Variants in JAKMIP3 observed in about 807,000 individuals in gnomAD.
JAKMIP3 encodes the protein janus kinase and microtubule-interacting protein 3.
Under a neutral mutation model 118.5 loss-of-function variants are expected in JAKMIP3, and 58 were observed. The ratio of observed to expected loss-of-function variants is 0.49; its 90% confidence interval spans 0.40 to 0.61. The LOEUF (loss-of-function observed/expected upper bound fraction) is 0.61. Among genes scored for constraint, JAKMIP3 ranks in the 20% least tolerant of loss-of-function variants. The probability of loss-of-function intolerance (pLI) is 0.00; values close to 1 mark genes in which losing one functional copy is unlikely to be tolerated. For missense variants in JAKMIP3, 950 were observed against 1,109.0 expected, an observed-to-expected ratio of 0.86 and a Z score of 2.04; for synonymous variants, 486 against 451.2, an observed-to-expected ratio of 1.08 and a Z score of -0.98.
At chr10:132,072,942 T>G (rs113845453) in intron 1 of JAKMIP3, among the ~76,000 whole-genome samples, 1 of 152,156 alleles carries the variant, frequency 6.6e-6, no homozygotes, top group African/African-American at 2.4e-5. Flanking sequence ...CAGTATCTGT[T>G]CCACTCTGTC....
At chr10:132,114,992 T>G (rs991796650) in intron 2 of JAKMIP3, among the ~76,000 whole-genome samples, 1 of 152,238 alleles carries the variant, frequency 6.6e-6, no homozygotes, top group Non-Finnish European at 1.5e-5. Flanking sequence ...ATGTAATGAA[T>G]ACATATTTTT....
intron 20 of JAKMIP3, 94 bp from the exon 21 acceptor site, chr10:132,164,576 G>C: frequency 1.2e-6 from 1 of 845,150 alleles, no homozygotes; most frequent in Non-Finnish European, 1.9e-6. Context: ...GCTCTGCGAC[G>C]ATCTGTTACC....
At chr10:132,103,042 T>G in intron 1 of JAKMIP3, among the ~76,000 whole-genome samples, 2 of 137,378 alleles carry the variant, frequency 1.5e-5, no homozygotes, top group African/African-American at 5.4e-5. Context: ...GAGCAGGAGT[T>G]GTGGGGGTGG....
upstream of JAKMIP3, among the ~76,000 whole-genome samples, chr10:132,061,196 A>G (rs116842412): frequency 1.0e-3 from 128 of 122,744 alleles, no homozygotes; most frequent in East Asian, 0.019. Flanking sequence ...GTGACGGCGC[A>G]CACACACACC....
chr10:132,165,951 G>A (rs2058855630), intron 21 of JAKMIP3, among the ~76,000 whole-genome samples: 1 of 152,242 alleles, frequency 6.6e-6, no homozygotes, highest in African/African-American at 2.4e-5. Context: ...GAGCCTCAGA[G>A]GGCAAAGCCT....
Position 132,137,097 on chromosome 10 carries a change from T to G in JAKMIP3, c.1195T>G (p.Phe399Val), listed in dbSNP as rs371025401. 3.1e-6 allele frequency: 5 copies of G among 1,613,928 alleles called. No homozygotes were observed. Among genetic ancestry groups the G allele is most frequent in the Non-Finnish European group, 4.2e-6 (5 of 1,179,876 alleles). ...AAGTCAGGATGAGAGAGAAGTCGAT[T>G]TCTTGAAGCTTCAGATTGTGGAGCA... ...DQSQDEREVD[F>V]LKLQIVEQQN... The change falls in exon 7 of 24, where the codon TTC becomes GTC. Residue 399 changes from phenylalanine (F) to valine (V), a missense_variant. Physicochemically the swap from Phe to Val is conservative, Grantham distance 50 (BLOSUM62 -1). Transcript: ENST00000684848.
At chr10:132,105,064 A>C (rs960094802) in intron 2 of JAKMIP3, 121 bp downstream of exon 2, 2 of 1,196,240 alleles carry the variant, frequency 1.7e-6, no homozygotes, top group African/African-American at 3.1e-5. Flanking sequence ...CCAGTCCTAA[A>C]GGCTGCTTGG....
At chr10:132,181,027 G>A (rs1037963790) in intron 23 of JAKMIP3, among the ~76,000 whole-genome samples, 2 of 152,114 alleles carry the variant, frequency 1.3e-5, no homozygotes, top group African/African-American at 4.8e-5. Flanking sequence ...TGTATGTGCT[G>A]TTTGCACATG....
At chr10:132,103,110 C>G (rs2045256663) in intron 1 of JAKMIP3, among the ~76,000 whole-genome samples, 1 of 152,030 alleles carries the variant, frequency 6.6e-6, no homozygotes, top group Non-Finnish European at 1.5e-5. Flanking sequence ...CCCTTCTATC[C>G]TGGCTGCCTT....
At chr10:132,172,069 C>T (rs1002955422) in intron 23 of JAKMIP3, among the ~76,000 whole-genome samples, 6 of 152,184 alleles carry the variant, frequency 3.9e-5, no homozygotes, top group Non-Finnish European at 8.8e-5. Context: ...CAGGACCCCA[C>T]GTTGCATTCA....
intron 13 of JAKMIP3, among the ~76,000 whole-genome samples, chr10:132,147,586 G>A (rs961000456): frequency 4.6e-5 from 7 of 152,008 alleles, no homozygotes; most frequent in African/African-American, 1.7e-4. Context: ...TCAGAGCCCC[G>A]CTAAGGCCCC....
At chr10:132,164,572 C>A in intron 20 of JAKMIP3, 98 bp from the exon 21 acceptor site, 2 of 813,832 alleles carry the variant, frequency 2.5e-6, no homozygotes, top group Non-Finnish European at 4.1e-6. Flanking sequence ...AGCTGCTCTG[C>A]GACGATCTGT....
intron 19 of JAKMIP3, 124 bp downstream of exon 19, chr10:132,154,114 C>A: frequency 1.4e-6 from 1 of 736,564 alleles, no homozygotes; most frequent in East Asian, 2.6e-5. Flanking sequence ...CCTAATGGCC[C>A]CTAATGACAC....
At chr10:132,166,584 G>A (rs1046389809) in intron 21 of JAKMIP3, among the ~76,000 whole-genome samples, 3 of 152,262 alleles carry the variant, frequency 2.0e-5, no homozygotes, top group Admixed American at 1.3e-4. Flanking sequence ...TCAATACAAC[G>A]TTCACCATTA....
At chr10:132,061,226 TACACCTGCCGTGACG>T (rs1564855357), upstream of JAKMIP3, among the ~76,000 whole-genome samples, 18 of 18,460 alleles carry the variant, frequency 9.8e-4, no homozygotes, top group South Asian at 0.035. Context: ...GGCGCACACA[TACACCTGCCGTGACG>T]GCGCACACAC....
intron 1 of JAKMIP3, among the ~76,000 whole-genome samples, chr10:132,055,898 G>T (rs1169795943): frequency 6.6e-6 from 1 of 152,162 alleles, no homozygotes; most frequent in Non-Finnish European, 1.5e-5. Flanking sequence ...GTCTTGTTCA[G>T]ATATTCTGAA....
intron 3 of JAKMIP3, among the ~76,000 whole-genome samples, chr10:132,123,871 G>GCCT (rs2049011117): frequency 6.6e-6 from 1 of 152,158 alleles, no homozygotes; most frequent in Admixed American, 6.5e-5. Context: ...AATGATGAGG[G>GCCT]GGTCCCTGAG....
At chr10:132,140,333 G>A in intron 9 of JAKMIP3, 118 bp from the exon 10 acceptor site, 3 of 1,421,850 alleles carry the variant, frequency 2.1e-6, no homozygotes, top group Non-Finnish European at 1.9e-6. Flanking sequence ...GACAGAGATG[G>A]GAGTGTGTCG....
At chr10:132,115,680 G>A (rs1193492442) in intron 2 of JAKMIP3, among the ~76,000 whole-genome samples, 2 of 152,212 alleles carry the variant, frequency 1.3e-5, no homozygotes, top group Non-Finnish European at 2.9e-5. Context: ...TAGAGCAATT[G>A]TTGGAGGTTA....
Sources: allele counts gnomAD v4.1 joint callset (sites outside exome capture counted in the v4.1 genomes callset), GRCh38; gene constraint gnomAD v4.1.1; transcripts MANE v1.5; gene names NCBI Gene and HGNC (gene_info 2026-07-23, HGNC 2026-07-21).